Variants in SPTLC3 observed in about 807,000 individuals in gnomAD.
The protein encoded by SPTLC3 is serine palmitoyltransferase 3.
In SPTLC3, 36 loss-of-function variants were observed where a neutral mutation model predicts 59.3. The ratio of observed to expected loss-of-function variants is 0.61; its 90% confidence interval spans 0.47 to 0.80. The LOEUF (loss-of-function observed/expected upper bound fraction) is 0.80, where lower values mean the gene tolerates loss of function less well. Among genes scored for constraint, SPTLC3 ranks in the 30% least tolerant of loss-of-function variants. The probability of loss-of-function intolerance (pLI) is 0.00; values close to 1 mark genes in which losing one functional copy is unlikely to be tolerated. For missense variants in SPTLC3, 625 were observed against 685.1 expected (o/e 0.91, Z 0.98); for synonymous variants, 257 against 240.8 (o/e 1.07, Z -0.62).
At chr20:13,126,800 C>A (rs2038004511) in intron 9 of SPTLC3, 83 bp downstream of exon 9, 18 of 1,536,298 alleles carry the variant, frequency 1.2e-5, no homozygotes, top group Non-Finnish European at 1.4e-5. Flanking sequence ...CTCAAATACA[C>A]ACCTTTATCT....
intron 4 of SPTLC3, chr20:13,079,654 T>C (rs1988770778): frequency 1.0e-5 from 4 of 381,272 alleles, no homozygotes; most frequent in Admixed American, 9.7e-5. Context: ...AGACTGTTGT[T>C]TCCTTGATGT....
chr20:13,039,486 T>TAAC (rs746413445), intron 1 of SPTLC3, among the ~76,000 whole-genome samples: 1 of 152,116 alleles, frequency 6.6e-6, no homozygotes, highest in Non-Finnish European at 1.5e-5. Context: ...CTTTTACTTT[T>TAAC]AACTTGTTTG....
rs944914744 is a variant in SPTLC3, at chr20:13,043,627, G to A, written c.118-5318G>A. 5.3e-5 allele frequency among the ~76,000 whole-genome samples: 8 copies of A among 152,288 alleles called. No individual in the cohort carries two copies. The South Asian group carries it at 1.0e-3, about 20-fold the overall frequency. On this transcript the variant is annotated intron_variant, in intron 1 of 11. Coordinates refer to ENST00000399002, the MANE Select transcript of SPTLC3 (RefSeq NM_018327.4). Reference sequence around the variant, plus strand: ...CTCTTCATCCTGTCTCCCTCAAGGGGTCGTGTTCCAGGAATTATACTGTCT... The same window carrying A: ...CTCTTCATCCTGTCTCCCTCAAGGGATCGTGTTCCAGGAATTATACTGTCT...
intron 1 of SPTLC3, 71 bp from the exon 2 acceptor site, chr20:13,048,874 C>T (rs548592463): frequency 1.6e-4 from 211 of 1,342,708 alleles, no homozygotes; most frequent in Middle Eastern, 5.8e-4. Context: ...GTTGAAAGTT[C>T]ACAATTTTAG....
At chr20:13,049,273 C>A in intron 2 of SPTLC3, 143 bp downstream of exon 2, 1 of 851,990 alleles carries the variant, frequency 1.2e-6, no homozygotes, top group Non-Finnish European at 1.9e-6. Flanking sequence ...TCTCCACCTC[C>A]TAAACCCCAT....
At chr20:13,118,489 A>G (rs1400549535) in intron 8 of SPTLC3, among the ~76,000 whole-genome samples, 1 of 151,644 alleles carries the variant, frequency 6.6e-6, no homozygotes, top group Non-Finnish European at 1.5e-5. Context: ...TTTGAGAGAA[A>G]TTTAAAAGGA....
intron 4 of SPTLC3, among the ~76,000 whole-genome samples, chr20:13,084,022 T>C (rs1988928272): frequency 6.6e-6 from 1 of 152,210 alleles, no homozygotes; most frequent in African/African-American, 2.4e-5. Flanking sequence ...CATCAAGAGA[T>C]ATGAATGGAT....
chr20:13,078,099 T>A (rs1037953347), intron 4 of SPTLC3, among the ~76,000 whole-genome samples: 29 of 148,314 alleles, frequency 2.0e-4, no homozygotes, highest in African/African-American at 6.1e-4. Flanking sequence ...ATATATTTTA[T>A]ATATAAAATA....
intron 1 of SPTLC3, among the ~76,000 whole-genome samples, chr20:13,040,682 C>CTT (rs548122908): frequency 5.4e-4 from 79 of 145,510 alleles, no homozygotes; most frequent in Middle Eastern, 3.6e-3. Context: ...CCTGTGCCCC[C>CTT]TTTTTTTTTT....
intron 9 of SPTLC3, among the ~76,000 whole-genome samples, chr20:13,144,922 C>G (rs562852796): frequency 2.0e-5 from 3 of 152,028 alleles, no homozygotes; most frequent in Non-Finnish European, 4.4e-5. Context: ...CTACAGGCAC[C>G]CGCCACCACG....
intron 2 of SPTLC3, chr20:13,050,377 A>T (rs969257725): frequency 6.6e-6 from 1 of 152,190 alleles, no homozygotes; most frequent in African/African-American, 2.4e-5. Context: ...CCAATTCAAC[A>T]AAGACAAAGA....
intron 1 of SPTLC3, among the ~76,000 whole-genome samples, chr20:13,039,985 T>G (rs1439763346): frequency 6.6e-6 from 1 of 152,004 alleles, no homozygotes; most frequent in Non-Finnish European, 1.5e-5. Context: ...TTGTACAATT[T>G]TATGTCTTTT....
chr20:13,015,880 T>C (rs1484057056), intron 1 of SPTLC3, among the ~76,000 whole-genome samples: 1 of 152,040 alleles, frequency 6.6e-6, no homozygotes, highest in Non-Finnish European at 1.5e-5. Context: ...TCTTTATAAC[T>C]ATGATATAAT....
At chr20:13,011,723 A>T (rs1600199375) in intron 1 of SPTLC3, among the ~76,000 whole-genome samples, 1 of 147,874 alleles carries the variant, frequency 6.8e-6, no homozygotes, top group Non-Finnish European at 1.5e-5. Flanking sequence ...ATGGAGCCTG[A>T]CTATTTTTCC....
chr20:13,137,741 G>A (rs112426294), intron 9 of SPTLC3, among the ~76,000 whole-genome samples: 8 of 152,132 alleles, frequency 5.3e-5, no homozygotes, highest in African/African-American at 7.2e-5. Flanking sequence ...CCTCACAAAC[G>A]AAGGGAATCT....
intron 9 of SPTLC3, among the ~76,000 whole-genome samples, chr20:13,139,732 AG>A (rs1329558014): frequency 6.6e-6 from 1 of 152,244 alleles, no homozygotes; most frequent in Admixed American, 6.5e-5. Context: ...ACTTTGCCAC[AG>A]TACTTAACCT....
intron 7 of SPTLC3, 91 bp from the exon 8 acceptor site, chr20:13,117,415 G>A (rs1990619654): frequency 8.1e-7 from 1 of 1,235,126 alleles, no homozygotes; most frequent in African/African-American, 1.5e-5. Flanking sequence ...CGTGTGTCAG[G>A]GAAGACTGTC....
In SPTLC3 at chr20:13,052,321, G is replaced by A. The variant is rs182854803; in HGVS notation, c.303+3191G>A. ...GGGAAGCCCTGAGGGACTGTGCCAC[G>A]AGGAACAGTGCATTCTGGTCCAGAT... On this transcript the variant is annotated intron_variant, in intron 2 of 11. Coordinates refer to ENST00000399002, the MANE Select transcript of SPTLC3 (RefSeq NM_018327.4). Among the ~76,000 whole-genome samples the A allele has an allele frequency of 5.3e-4, 81 of 152,256 alleles. 2 individuals are homozygous for A. The highest frequency in any genetic ancestry group is 3.3e-3 in the South Asian group (16 of 4,818).
In SPTLC3 at chr20:13,132,171, ATTTTTTT is replaced by A. The variant is rs35718222; in HGVS notation, c.1279+5471_1279+5477del. Among the ~76,000 whole-genome samples, 576 of 104,006 alleles carry A rather than the reference ATTTTTTT, an allele frequency of 5.5e-3. 3 individuals carry two copies. The highest frequency in any genetic ancestry group is 0.02 in the African/African-American group (517 of 26,424). The allele number at this position is 104,006 out of a possible 152,430, so 68.2% of individuals were successfully genotyped here. A position where few individuals can be genotyped will look rare whatever the true frequency, so the allele number is the denominator to read the frequency against. On this transcript the variant is annotated intron_variant, in intron 9 of 11. Coordinates refer to ENST00000399002, the MANE Select transcript of SPTLC3 (RefSeq NM_018327.4). ...CTCTAATTCTCCTCACCTTGCTTTA[ATTTTTTT>A]TTTTTTTTTTTTTTTTGACATGGAG...
Sources: allele counts gnomAD v4.1 joint callset (sites outside exome capture counted in the v4.1 genomes callset), GRCh38; gene constraint gnomAD v4.1.1; transcripts MANE v1.5; gene names NCBI Gene and HGNC (gene_info 2026-07-23, HGNC 2026-07-21).